The following CLDN8 variants were observed in gnomAD, a reference collection of about 807,000 sequenced individuals.
The protein encoded by CLDN8 is claudin-8.
A neutral mutation model predicts 2.2 loss-of-function variants in CLDN8; 2 were observed. That is an observed-to-expected ratio of 0.90 (90% CI 0.37 to 2.82). The LOEUF (loss-of-function observed/expected upper bound fraction) is 2.82. Among genes scored for constraint, CLDN8 ranks in the 30% most tolerant of loss-of-function variants. The probability of loss-of-function intolerance (pLI) is 0.10; values close to 1 mark genes in which losing one functional copy is unlikely to be tolerated. For missense variants in CLDN8, 314 were observed against 280.5 expected, an observed-to-expected ratio of 1.12 and a Z score of -0.85; for synonymous variants, 107 against 104.8, an observed-to-expected ratio of 1.02 and a Z score of -0.13.
chr21:30,214,515 T>C lies in CLDN8; in HGVS notation c.*733A>G, dbSNP rs966083822. 1 of 152,124 alleles carries C rather than the reference T, an allele frequency of 6.6e-6. No homozygotes were observed. The highest frequency in any genetic ancestry group is 1.5e-5 in the Non-Finnish European group (1 of 67,992). 9.4% of individuals were successfully genotyped at this position (152,124 alleles called of 1,614,324 possible). A position where few individuals can be genotyped will look rare whatever the true frequency, so the allele number is the denominator to read the frequency against. ...CACACTTTTATCTTTCTTCTGAGTA[T>C]AGCCCTGGAAAAGCAGTTTGAATGC... is the stretch of plus-strand genomic sequence containing the variant. On this transcript the variant is annotated 3_prime_UTR_variant, in exon 1 of 1. Transcript: ENST00000399899.
At position 30,215,680 on chromosome 21, in the gene CLDN8, T is replaced by C; in HGVS notation, c.246A>G (p.Gly82=). ...ACATCACGGAAGCAGCACACATCAGTCCTCTGGCTGCCTGTAGGTCCGGAG... is the reference window on the plus strand; with the variant it reads ...ACATCACGGAAGCAGCACACATCAGCCCTCTGGCTGCCTGTAGGTCCGGAG... ...ALSPDLQAAR[G]LMCAASVMSF... Residue 82 remains glycine (G), a synonymous_variant, in exon 1 of 1, where the codon GGA becomes GGG. Coordinates refer to ENST00000399899, the MANE Select transcript of CLDN8 (RefSeq NM_199328.3). 1 of 1,614,096 alleles carries C rather than the reference T, an allele frequency of 6.2e-7. No homozygotes were observed. Among genetic ancestry groups the C allele is most frequent in the Non-Finnish European group, 8.5e-7 (1 of 1,180,018 alleles).
rs1171190908 is a variant in CLDN8, at chr21:30,215,589, T to C, written c.337A>G (p.Lys113Glu). Residue 113 changes from lysine to glutamate, a missense_variant, in exon 1 of 1, where the codon AAG becomes GAG. Coordinates refer to ENST00000399899, the MANE Select transcript of CLDN8 (RefSeq NM_199328.3). ...KCTRCTGDNE[K>E]VKAHILLTAG... ...GTCAGCAGAATGTGAGCCTTCACCTTCTCATTGTCCCCCGTGCACCTGGTG... is the reference window on the plus strand; with the variant it reads ...GTCAGCAGAATGTGAGCCTTCACCTCCTCATTGTCCCCCGTGCACCTGGTG... 2 of 1,613,948 alleles carry C rather than the reference T, an allele frequency of 1.2e-6. No homozygotes were observed. Among genetic ancestry groups the C allele is most frequent in the African/African-American group, 1.3e-5 (1 of 74,896 alleles).
Position 30,215,687 on chromosome 21 carries a change from G to C in CLDN8, c.239C>G (p.Ala80Gly). 9 of 1,614,100 alleles carry C rather than the reference G, an allele frequency of 5.6e-6. No individual in the cohort carries two copies. Among genetic ancestry groups the C allele is most frequent in the Non-Finnish European group, 7.6e-6 (9 of 1,180,020 alleles). The part of the protein sequence containing the change: ...LLALSPDLQA[A>G]RGLMCAASVM... ...GGAAGCAGCACACATCAGTCCTCTG[G>C]CTGCCTGTAGGTCCGGAGAAAGAGC... Residue 80 changes from alanine to glycine, a missense_variant, in exon 1 of 1, where the codon GCC becomes GGC. Physicochemically the swap from Ala to Gly is moderately conservative, Grantham distance 60 (BLOSUM62 0). Coordinates refer to ENST00000399899, the MANE Select transcript of CLDN8 (RefSeq NM_199328.3).
Position 30,214,026 on chromosome 21 carries a change from A to G in CLDN8, c.*1222T>C, listed in dbSNP as rs1176194947. ...GAATGTCAAATAATTAGAAAAATGT[A>G]CAATTTATTAATATAAATGTATAAA... On this transcript the variant is annotated 3_prime_UTR_variant, in exon 1 of 1. Transcript: ENST00000399899. The G allele has an allele frequency of 6.6e-6, 1 of 152,148 alleles. No individual in the cohort carries two copies. The highest frequency in any genetic ancestry group is 1.5e-5 in the Non-Finnish European group (1 of 67,996). 9.4% of individuals were successfully genotyped at this position (152,148 alleles called of 1,614,324 possible).
Position 30,215,408 on chromosome 21 carries a change from A to T in CLDN8, c.518T>A (p.Leu173Gln). 1 of 1,614,148 alleles carries T rather than the reference A, an allele frequency of 6.2e-7. No homozygotes were observed. The highest frequency in any genetic ancestry group is 8.5e-7 in the Non-Finnish European group (1 of 1,180,006). ...EALYLGWTTA[L>Q]VLIVGGALFC... The stretch of plus-strand genomic sequence containing the variant: ...CAGAGCTCCTCCAACAATCAGCACC[A>T]GTGCCGTGGTCCATCCTAAGTAGAG... The change falls in exon 1 of 1, where the codon CTG (leucine) becomes CAG (glutamine). Residue 173 changes from leucine (L) to glutamine (Q), a missense_variant. By Grantham distance (113) the Leu-to-Gln change is moderately radical (BLOSUM62 -2). Coordinates refer to ENST00000399899, the MANE Select transcript of CLDN8 (RefSeq NM_199328.3).
Position 30,214,640 on chromosome 21 carries a change from A to C in CLDN8, c.*608T>G, listed in dbSNP as rs1345943491. On this transcript the variant is annotated 3_prime_UTR_variant, in exon 1 of 1. Transcript: ENST00000399899. ...AGAGGATAAAGAAGTTAGGATTTCTAACTCCTAGGCTAAAAAACAGCATAT... is the reference window on the plus strand; with the variant it reads ...AGAGGATAAAGAAGTTAGGATTTCTCACTCCTAGGCTAAAAAACAGCATAT... 1 of 152,534 alleles carries C rather than the reference A, an allele frequency of 6.6e-6. No individual in the cohort carries two copies. Among genetic ancestry groups the C allele is most frequent in the Admixed American group, 6.5e-5 (1 of 15,274 alleles). 9.4% of individuals were successfully genotyped at this position (152,534 alleles called of 1,614,324 possible).
Position 30,215,890 on chromosome 21 carries a change from A to G in CLDN8, c.36T>C (p.Phe12=), listed in dbSNP as rs1482581522. The change falls in exon 1 of 1, where the codon TTT becomes TTC. Residue 12 remains phenylalanine (F), a synonymous_variant. Transcript: ENST00000399899. The part of the protein sequence containing the change: ...ATHALEIAGL[F]LGGVGMVGTV... Reference sequence around the variant, plus strand: ...TGCCCACCATTCCAACACCACCAAGAAACAGCCCAGCGATTTCTAAGGCAT... The same window carrying G: ...TGCCCACCATTCCAACACCACCAAGGAACAGCCCAGCGATTTCTAAGGCAT... 4 of 1,611,600 alleles carry G rather than the reference A, an allele frequency of 2.5e-6. No individual in the cohort carries two copies. Among genetic ancestry groups the G allele is most frequent in the African/African-American group, 1.3e-5 (1 of 74,880 alleles).
rs555436710 is a variant in CLDN8, at chr21:30,215,540, G to A, written c.386C>T (p.Thr129Met). 3.1e-5 allele frequency: 50 copies of A among 1,614,016 alleles called. No individual in the cohort carries two copies. Among genetic ancestry groups the A allele is most frequent in the African/African-American group, 1.3e-4 (10 of 75,002 alleles). ...LLTAGIIFIITGMVVLIPVSW... is the reference protein window; with the variant it reads ...LLTAGIIFIIMGMVVLIPVSW... ...CACAGGGATGAGCACCACCATGCCCGTGATGATGAAGATGATTCCAGCCGT... is the reference window on the plus strand; with the variant it reads ...CACAGGGATGAGCACCACCATGCCCATGATGATGAAGATGATTCCAGCCGT... Residue 129 changes from threonine to methionine, a missense_variant, in exon 1 of 1, where the codon ACG (threonine) becomes ATG (methionine). By Grantham distance (81) the Thr-to-Met change is moderately conservative. Transcript: ENST00000399899.
Position 30,215,511 on chromosome 21 carries a change from A to T in CLDN8, c.415T>A (p.Trp139Arg), listed in dbSNP as rs2146514967. 6.2e-7 allele frequency: 1 copy of T among 1,614,088 alleles called. No homozygotes were observed. The highest frequency in any genetic ancestry group is 2.2e-5 in the East Asian group (1 of 44,842). The part of the protein sequence containing the change: ...TGMVVLIPVS[W>R]VANAIIRDFY... ...TCTCTGATGATGGCATTGGCAACCC[A>T]GCTCACAGGGATGAGCACCACCATG... The change falls in exon 1 of 1, where the codon TGG becomes AGG. Residue 139 changes from tryptophan (W) to arginine (R), a missense_variant. Physicochemically the swap from Trp to Arg is moderately radical, Grantham distance 101. Coordinates refer to ENST00000399899, the MANE Select transcript of CLDN8 (RefSeq NM_199328.3).
At position 30,215,152 on chromosome 21, in the gene CLDN8, A is replaced by G; in HGVS notation, c.*96T>C. The G allele has an allele frequency of 1.0e-6, 1 of 989,806 alleles. No homozygotes were observed. The highest frequency in any genetic ancestry group is 2.1e-5 in the Admixed American group (1 of 47,602). 61.3% of individuals were successfully genotyped at this position (989,806 alleles called of 1,614,324 possible). ...TAATTAAGATTAGGCAGTTAAGAACAGTAAATCAAAGTTTCTTTGGGGTCC... is the reference window on the plus strand; with the variant it reads ...TAATTAAGATTAGGCAGTTAAGAACGGTAAATCAAAGTTTCTTTGGGGTCC... On this transcript the variant is annotated 3_prime_UTR_variant, in exon 1 of 1. Coordinates refer to ENST00000399899, the MANE Select transcript of CLDN8 (RefSeq NM_199328.3).
In CLDN8 at chr21:30,214,545, C is replaced by T. The variant is rs1193431799; in HGVS notation, c.*703G>A. 6.6e-6 allele frequency: 1 copy of T among 151,956 alleles called. No individual in the cohort carries two copies. Among genetic ancestry groups the T allele is most frequent in the African/African-American group, 2.4e-5 (1 of 41,374 alleles). 9.4% of individuals were successfully genotyped at this position (151,956 alleles called of 1,614,324 possible). A position where few individuals can be genotyped will look rare whatever the true frequency, so the allele number is the denominator to read the frequency against. ...CTGGAAAAGCAGTTTGAATGCAAAGCCCCTTGACAAAATATCTGCTTTTTA... is the reference window on the plus strand; with the variant it reads ...CTGGAAAAGCAGTTTGAATGCAAAGTCCCTTGACAAAATATCTGCTTTTTA... On this transcript the variant is annotated 3_prime_UTR_variant, in exon 1 of 1. Transcript: ENST00000399899.
At position 30,214,883 on chromosome 21, in the gene CLDN8, C is replaced by G. The variant is rs972594220; in HGVS notation, c.*365G>C. The G allele has an allele frequency of 6.4e-5, 12 of 186,564 alleles. No homozygotes were observed. Among genetic ancestry groups the G allele is most frequent in the Non-Finnish European group, 1.4e-4 (12 of 87,592 alleles). The allele number at this position is 186,564 out of a possible 1,614,324, so 11.6% of individuals were successfully genotyped here. A position where few individuals can be genotyped will look rare whatever the true frequency, so the allele number is the denominator to read the frequency against. On this transcript the variant is annotated 3_prime_UTR_variant, in exon 1 of 1. Coordinates refer to ENST00000399899, the MANE Select transcript of CLDN8 (RefSeq NM_199328.3). ...TAAATAAAACCATATAAGCATGTCTCTATGTGAGATATAAATGTTACACTC... is the reference window on the plus strand; with the variant it reads ...TAAATAAAACCATATAAGCATGTCTGTATGTGAGATATAAATGTTACACTC...
rs766430229 is a variant in CLDN8, at chr21:30,215,174, G to A, written c.*74C>T. ...AACAGTAAATCAAAGTTTCTTTGGG[G>A]TCCATTTTGAGAAAGTAATATAGAT... On this transcript the variant is annotated 3_prime_UTR_variant, in exon 1 of 1. Coordinates refer to ENST00000399899, the MANE Select transcript of CLDN8 (RefSeq NM_199328.3). The A allele has an allele frequency of 1.5e-6, 2 of 1,291,506 alleles. No individual in the cohort carries two copies. Among genetic ancestry groups the A allele is most frequent in the East Asian group, 2.3e-5 (1 of 42,972 alleles). 80.0% of individuals were successfully genotyped at this position (1,291,506 alleles called of 1,614,324 possible). A position where few individuals can be genotyped will look rare whatever the true frequency, so the allele number is the denominator to read the frequency against.
At position 30,215,521 on chromosome 21, in the gene CLDN8, G is replaced by A. The variant is rs1411997468; in HGVS notation, c.405C>T (p.Ile135=). Residue 135 remains isoleucine (I), a synonymous_variant, in exon 1 of 1, where the codon ATC becomes ATT. Coordinates refer to ENST00000399899, the MANE Select transcript of CLDN8 (RefSeq NM_199328.3). ...TGGCATTGGCAACCCAGCTCACAGG[G>A]ATGAGCACCACCATGCCCGTGATGA... ...IFIITGMVVL[I]PVSWVANAII... 1.2e-6 allele frequency: 2 copies of A among 1,614,040 alleles called. No individual in the cohort carries two copies. Among genetic ancestry groups the A allele is most frequent in the Admixed American group, 1.7e-5 (1 of 60,010 alleles).
chr21:30,214,222 G>A lies in CLDN8; in HGVS notation c.*1026C>T, dbSNP rs1278972224. 6.6e-6 allele frequency: 1 copy of A among 152,092 alleles called. No individual in the cohort carries two copies. Among genetic ancestry groups the A allele is most frequent in the Non-Finnish European group, 1.5e-5 (1 of 67,970 alleles). 9.4% of individuals were successfully genotyped at this position (152,092 alleles called of 1,614,324 possible). On this transcript the variant is annotated 3_prime_UTR_variant, in exon 1 of 1. Coordinates refer to ENST00000399899, the MANE Select transcript of CLDN8 (RefSeq NM_199328.3). Reference sequence around the variant, plus strand: ...AATTTATTTTTCACAGAACAAAAATGACAATTTTGACTCAGGTACCCACAT... The same window carrying A: ...AATTTATTTTTCACAGAACAAAAATAACAATTTTGACTCAGGTACCCACAT...
Position 30,215,167 on chromosome 21 carries a change from C to T in CLDN8, c.*81G>A. 8.2e-7 allele frequency: 1 copy of T among 1,224,960 alleles called. No homozygotes were observed. Among genetic ancestry groups the T allele is most frequent in the Non-Finnish European group, 1.2e-6 (1 of 856,984 alleles). 75.9% of individuals were successfully genotyped at this position (1,224,960 alleles called of 1,614,324 possible). ...AGTTAAGAACAGTAAATCAAAGTTT[C>T]TTTGGGGTCCATTTTGAGAAAGTAA... On this transcript the variant is annotated 3_prime_UTR_variant, in exon 1 of 1. Coordinates refer to ENST00000399899, the MANE Select transcript of CLDN8 (RefSeq NM_199328.3).
Position 30,215,514 on chromosome 21 carries a change from T to C in CLDN8, c.412A>G (p.Ser138Gly), listed in dbSNP as rs201870752. Residue 138 changes from serine (S) to glycine (G), a missense_variant, in exon 1 of 1, where the codon AGC (serine) becomes GGC (glycine). Ser to Gly is a moderately conservative substitution (Grantham distance 56). Transcript: ENST00000399899. The stretch of plus-strand genomic sequence containing the variant: ...CTGATGATGGCATTGGCAACCCAGC[T>C]CACAGGGATGAGCACCACCATGCCC... ...ITGMVVLIPV[S>G]WVANAIIRDF... 6.2e-7 allele frequency: 1 copy of C among 1,614,066 alleles called. No individual in the cohort carries two copies. The highest frequency in any genetic ancestry group is 2.2e-5 in the East Asian group (1 of 44,844).
Position 30,215,372 on chromosome 21 carries a change from A to C in CLDN8, c.554T>G (p.Val185Gly). ...ACTGCTCTTTTCGTTGCAACAAAAA[A>C]CGCAGCAGAACAGAGCTCCTCCAAC... ...LIVGGALFCC[V>G]FCCNEKSSSY... The change falls in exon 1 of 1, where the codon GTT (valine) becomes GGT (glycine). Residue 185 changes from valine (V) to glycine (G), a missense_variant. Transcript: ENST00000399899. The C allele has an allele frequency of 6.2e-7, 1 of 1,614,164 alleles. No homozygotes were observed. The highest frequency in any genetic ancestry group is 8.5e-7 in the Non-Finnish European group (1 of 1,180,018).
chr21:30,214,751 C>T lies in CLDN8; in HGVS notation c.*497G>A, dbSNP rs1601032918. The T allele has an allele frequency of 6.5e-6, 1 of 153,418 alleles. No individual in the cohort carries two copies. Among genetic ancestry groups the T allele is most frequent in the Non-Finnish European group, 1.5e-5 (1 of 68,644 alleles). The allele number at this position is 153,418 out of a possible 1,614,324, so 9.5% of individuals were successfully genotyped here. On this transcript the variant is annotated 3_prime_UTR_variant, in exon 1 of 1. Transcript: ENST00000399899. ...TAAATGGAGGACATTAATCCCTAAG[C>T]TGTTTTTAAACAATTAATAGTAACC... is the stretch of plus-strand genomic sequence containing the variant.
Sources: gnomAD v4.1 joint callset for allele counts on GRCh38, gnomAD v4.1.1 for gene constraint, MANE v1.5 for transcripts, NCBI Gene and HGNC (gene_info 2026-07-23, HGNC 2026-07-21) for gene names.